TRERF1: variants seen among roughly 807,000 people sequenced by gnomAD.
The protein encoded by TRERF1 is transcriptional-regulating factor 1.
In TRERF1, 27 loss-of-function variants were observed where a neutral mutation model predicts 122.9. The observed-to-expected ratio is 0.22, with a 90% CI of 0.16 to 0.30. The LOEUF (loss-of-function observed/expected upper bound fraction) is 0.30, where lower values mean the gene tolerates loss of function less well. Among genes scored for constraint, TRERF1 ranks in the 10% least tolerant of loss-of-function variants. The pLI is 1.00. For missense variants in TRERF1, 1,248 were observed against 1,560.3 expected (o/e 0.80, Z 3.37); for synonymous variants, 636 against 641.7 (o/e 0.99, Z 0.13).
intron 17 of TRERF1, among the ~76,000 whole-genome samples, chr6:42,230,897 A>C (rs1462989823): frequency 2.0e-5 from 3 of 152,208 alleles, no homozygotes; most frequent in African/African-American, 7.2e-5. Context: ...CATGGTGTGA[A>C]TCCCCACTAG....
Position 42,265,807 on chromosome 6 carries a change from A to G in TRERF1, c.1438-10T>C. 6.2e-7 allele frequency: 1 copy of G among 1,612,886 alleles called. No individual in the cohort carries two copies. The highest frequency in any genetic ancestry group is 8.5e-7 in the Non-Finnish European group (1 of 1,179,454). ...CATCAGGTAGGTGCATCTAATTTTG[A>G]GCCAAACAGGACACCGAAAAAAAGA... On this transcript the variant is annotated splice_polypyrimidine_tract_variant and intron_variant, in intron 5 of 17. Coordinates refer to ENST00000372922, the Ensembl canonical transcript of TRERF1.
At chr6:42,299,288 A>C (rs1410538226) in intron 4 of TRERF1, among the ~76,000 whole-genome samples, 1 of 152,156 alleles carries the variant, frequency 6.6e-6, no homozygotes, top group Non-Finnish European at 1.5e-5. Flanking sequence ...TAACAGACAT[A>C]GAGTATGCAA....
intron 2 of TRERF1, among the ~76,000 whole-genome samples, chr6:42,378,879 G>A (rs1024203428): frequency 1.1e-4 from 16 of 152,152 alleles, no homozygotes; most frequent in Non-Finnish European, 1.8e-4. Flanking sequence ...ACTTTGGGAG[G>A]CCAAGGCAGG....
chr6:42,434,041 G>A (rs1784885812), intron 2 of TRERF1, among the ~76,000 whole-genome samples: 1 of 152,008 alleles, frequency 6.6e-6, no homozygotes, highest in Non-Finnish European at 1.5e-5. Context: ...TTTCAAAAAA[G>A]AGAGAACTGA....
chr6:42,258,322 G>T lies in TRERF1; in HGVS notation c.2270-121C>A, dbSNP rs112158500. The T allele has an allele frequency of 6.0e-4, 504 of 842,168 alleles. 1 individual carries two copies. In the African/African-American group the frequency reaches 6.8e-3, roughly 11 times the overall value. 52.2% of individuals were successfully genotyped at this position (842,168 alleles called of 1,614,324 possible). A position where few individuals can be genotyped will look rare whatever the true frequency, so the allele number is the denominator to read the frequency against. ...CTTCTCTCCTACCCAGCTCCTGCCA[G>T]AGTTATCCTTGACAGTTTCCAGGGA... On this transcript the variant is annotated intron_variant, in intron 9 of 17. Coordinates refer to ENST00000372922, the Ensembl canonical transcript of TRERF1.
intron 3 of TRERF1, among the ~76,000 whole-genome samples, chr6:42,348,949 A>G (rs1768860361): frequency 6.6e-6 from 1 of 152,210 alleles, no homozygotes; most frequent in African/African-American, 2.4e-5. Flanking sequence ...CAAAGTCTTG[A>G]GTAAGTTGAT....
intron 4 of TRERF1, among the ~76,000 whole-genome samples, chr6:42,283,702 C>T (rs1322419138): frequency 6.6e-6 from 1 of 150,920 alleles, no homozygotes; most frequent in Non-Finnish European, 1.5e-5. Context: ...CCACAACCTC[C>T]ACCTCCCGGG....
At chr6:42,238,511 C>A (rs987578344) in intron 15 of TRERF1, among the ~76,000 whole-genome samples, 4 of 152,066 alleles carry the variant, frequency 2.6e-5, no homozygotes, top group African/African-American at 9.7e-5. Context: ...AACTTCGTAA[C>A]AACAAGTTGG....
In TRERF1 at chr6:42,397,800, C is replaced by T. The variant is rs760237723; in HGVS notation, c.-453-34721G>A. On this transcript the variant is annotated intron_variant, in intron 2 of 17. Coordinates refer to ENST00000372922, the Ensembl canonical transcript of TRERF1. The stretch of plus-strand genomic sequence containing the variant: ...GGTCATAGGTCAGAAGATATCTGCT[C>T]TTAGAGAAATAATATATACAGCAAT... 6.6e-5 allele frequency among the ~76,000 whole-genome samples: 10 copies of T among 152,282 alleles called. No individual in the cohort carries two copies. The East Asian group carries it at 1.7e-3, about 26-fold the overall frequency.
At chr6:42,367,468 G>A (rs1466765177) in intron 2 of TRERF1, among the ~76,000 whole-genome samples, 3 of 152,162 alleles carry the variant, frequency 2.0e-5, no homozygotes, top group South Asian at 2.1e-4. Flanking sequence ...TAGAAAACAC[G>A]CATGCACAAT....
At chr6:42,382,597 T>A (rs1776126523) in intron 2 of TRERF1, among the ~76,000 whole-genome samples, 1 of 152,050 alleles carries the variant, frequency 6.6e-6, no homozygotes, top group Non-Finnish European at 1.5e-5. Context: ...CCACACCTTT[T>A]CAGGTGAAGT....
At chr6:42,371,782 C>T (rs1332969766) in intron 2 of TRERF1, among the ~76,000 whole-genome samples, 1 of 152,184 alleles carries the variant, frequency 6.6e-6, no homozygotes, top group Non-Finnish European at 1.5e-5. Context: ...TGTCCCCCCA[C>T]ATTGTGCTTG....
At chr6:42,408,210 A>ATATATATATATATATAT (rs1780474103) in intron 2 of TRERF1, among the ~76,000 whole-genome samples, 1 of 107,142 alleles carries the variant, frequency 9.3e-6, no homozygotes, top group Non-Finnish European at 1.8e-5. Flanking sequence ...TATATAAATA[A>ATATATATATATATATAT]ATATATATAT....
intron 3 of TRERF1, among the ~76,000 whole-genome samples, chr6:42,303,213 T>C (rs56154060): frequency 0.019 from 2,897 of 152,222 alleles, 110 homozygotes; most frequent in African/African-American, 0.064. Flanking sequence ...GTGAGACCAG[T>C]GTGTTCCCTA....
intron 2 of TRERF1, among the ~76,000 whole-genome samples, chr6:42,367,034 G>T (rs898929454): frequency 1.3e-5 from 2 of 152,226 alleles, no homozygotes; most frequent in African/African-American, 4.8e-5. Flanking sequence ...AGTCACAGGA[G>T]CACTGGAGTC....
intron 2 of TRERF1, among the ~76,000 whole-genome samples, chr6:42,408,237 GTA>G (rs1780512288): frequency 2.9e-5 from 3 of 104,756 alleles, no homozygotes; most frequent in African/African-American, 9.4e-5. Flanking sequence ...ATGTGTGTGT[GTA>G]TGTATATATA....
intron 3 of TRERF1, among the ~76,000 whole-genome samples, chr6:42,333,998 TACACACACACAC>T (rs3997687): frequency 7.5e-5 from 11 of 147,076 alleles, no homozygotes; most frequent in Admixed American, 2.7e-4. Flanking sequence ...ACACATACAC[TACACACACACAC>T]ACACACACAC....
chr6:42,436,810 AAAAAATATATATATAT>A (rs1035166324), intron 2 of TRERF1, among the ~76,000 whole-genome samples: 5 of 102,266 alleles, frequency 4.9e-5, no homozygotes, highest in African/African-American at 1.4e-4. Context: ...CAAAAAAAAA[AAAAAATATATATATAT>A]ATATATATAT....
chr6:42,282,481 A>C (rs1782470712), intron 4 of TRERF1, among the ~76,000 whole-genome samples: 1 of 152,164 alleles, frequency 6.6e-6, no homozygotes, highest in Non-Finnish European at 1.5e-5. Flanking sequence ...CCAGAAGGTT[A>C]AGGCTGCAGT....
Sources: allele counts gnomAD v4.1 joint callset (sites outside exome capture counted in the v4.1 genomes callset), GRCh38; gene constraint gnomAD v4.1.1; transcripts MANE v1.5; gene names NCBI Gene and HGNC (gene_info 2026-07-23, HGNC 2026-07-21).